Variants in GRM7 observed in about 807,000 individuals in gnomAD.
The protein encoded by GRM7 is metabotropic glutamate receptor 7.
GRM7 carries 35 observed loss-of-function variants against 84.5 expected under a neutral mutation model. The ratio of observed to expected loss-of-function variants is 0.41; its 90% CI spans 0.32 to 0.55. GRM7 has a LOEUF of 0.55. Ranked by LOEUF, GRM7 falls within the 20% of genes least tolerant of loss-of-function variation. The pLI is 0.19. For synonymous variants in GRM7, 487 were observed against 455.1 expected, an observed-to-expected ratio of 1.07 and a Z score of -0.89; for missense variants, 1,003 against 1,194.6, an observed-to-expected ratio of 0.84 and a Z score of 2.36.
chr3:7,430,881 T>C (rs1203734973), intron 5 of GRM7, among the ~76,000 whole-genome samples: 1 of 152,196 alleles, frequency 6.6e-6, no homozygotes, highest in Non-Finnish European at 1.5e-5. Flanking sequence ...AAAGGTCAAA[T>C]AGGCTTGCTT....
At chr3:7,304,231 TTG>T (rs1340656244) in intron 3 of GRM7, among the ~76,000 whole-genome samples, 1 of 151,504 alleles carries the variant, frequency 6.6e-6, no homozygotes, top group South Asian at 2.1e-4. Flanking sequence ...TTGAGATTCT[TTG>T]TGTGTTAAAT....
chr3:7,040,517 A>T (rs1696560166), intron 1 of GRM7, among the ~76,000 whole-genome samples: 1 of 151,764 alleles, frequency 6.6e-6, no homozygotes, highest in South Asian at 2.1e-4. Flanking sequence ...GTTAGCCAGG[A>T]TGGTCTCGAT....
At chr3:7,516,270 C>A (rs4686132) in intron 7 of GRM7, among the ~76,000 whole-genome samples, 2 of 149,526 alleles carry the variant, frequency 1.3e-5, no homozygotes, top group African/African-American at 4.9e-5. Flanking sequence ...AAGGTCAGTA[C>A]ATCAAGACCA....
At chr3:7,697,775 G>A (rs1449367925) in intron 9 of GRM7, among the ~76,000 whole-genome samples, 1 of 152,158 alleles carries the variant, frequency 6.6e-6, no homozygotes, top group Non-Finnish European at 1.5e-5. Flanking sequence ...CATAGCTGAA[G>A]ATGAGTGTCT....
At chr3:7,458,934 T>C (rs1698129607) in intron 6 of GRM7, among the ~76,000 whole-genome samples, 1 of 152,194 alleles carries the variant, frequency 6.6e-6, no homozygotes, top group Non-Finnish European at 1.5e-5. Context: ...ATTTTATTTC[T>C]TCTTCTTATA....
chr3:7,715,322 A>AAT (rs1444551714), intron 9 of GRM7, among the ~76,000 whole-genome samples: 1 of 152,104 alleles, frequency 6.6e-6, no homozygotes, highest in Non-Finnish European at 1.5e-5. Flanking sequence ...ATGAATAAAA[A>AAT]TTTAGTCAGA....
At chr3:7,215,652 G>C (rs889622655) in intron 2 of GRM7, among the ~76,000 whole-genome samples, 1 of 150,984 alleles carries the variant, frequency 6.6e-6, no homozygotes, top group Non-Finnish European at 1.5e-5. Flanking sequence ...GCGACAGAGC[G>C]AGACTCTGTC....
chr3:7,242,177 A>G (rs1040954682), intron 2 of GRM7, among the ~76,000 whole-genome samples: 1 of 152,190 alleles, frequency 6.6e-6, no homozygotes, highest in African/African-American at 2.4e-5. Flanking sequence ...GTCAACTTAA[A>G]TAATGATCCT....
At chr3:7,399,860 G>T (rs1407491337) in intron 4 of GRM7, among the ~76,000 whole-genome samples, 1 of 152,152 alleles carries the variant, frequency 6.6e-6, no homozygotes, top group Non-Finnish European at 1.5e-5. Context: ...AATGCTGTGA[G>T]CCGTGCTTTT....
chr3:7,625,383 G>A (rs62235225), intron 8 of GRM7, among the ~76,000 whole-genome samples: 19,652 of 152,110 alleles, frequency 0.13, 1,497 homozygotes, highest in Non-Finnish European at 0.17. Flanking sequence ...CAAGCAACTC[G>A]TACAGGGGAT....
intron 1 of GRM7, among the ~76,000 whole-genome samples, chr3:6,997,709 A>C (rs978995405): frequency 2.0e-5 from 3 of 152,184 alleles, no homozygotes; most frequent in African/African-American, 7.2e-5. Context: ...CTCACATTTC[A>C]AAACACAAAC....
intron 4 of GRM7, among the ~76,000 whole-genome samples, chr3:7,350,775 G>C (rs1424024969): frequency 6.6e-6 from 1 of 152,026 alleles, no homozygotes; most frequent in Admixed American, 6.6e-5. Context: ...TTGGGTTAGA[G>C]TCTTCTCCGA....
intron 2 of GRM7, among the ~76,000 whole-genome samples, chr3:7,187,660 AC>A (rs34330875): frequency 0.33 from 49,922 of 152,124 alleles, 8,354 homozygotes; most frequent in African/African-American, 0.39. Context: ...TCATATTTAA[AC>A]CCACTTTTAA....
intron 7 of GRM7, among the ~76,000 whole-genome samples, chr3:7,545,687 G>T (rs1198846444): frequency 6.6e-6 from 1 of 152,126 alleles, no homozygotes; most frequent in Non-Finnish European, 1.5e-5. Flanking sequence ...CCAAGGAGAT[G>T]ACTTGGGGCA....
chr3:7,033,525 A>G (rs1231947610), intron 1 of GRM7, among the ~76,000 whole-genome samples: 1 of 152,194 alleles, frequency 6.6e-6, no homozygotes, highest in Non-Finnish European at 1.5e-5. Context: ...CTCAACATAT[A>G]TATTCTCAAG....
intron 9 of GRM7, among the ~76,000 whole-genome samples, 180 bp from the exon 10 acceptor site, chr3:7,740,177 A>G (rs1271122364): frequency 6.6e-6 from 1 of 152,204 alleles, no homozygotes; most frequent in East Asian, 1.9e-4. Flanking sequence ...ATCACTGGGA[A>G]CCACAGATTT....
intron 6 of GRM7, among the ~76,000 whole-genome samples, chr3:7,459,002 G>C (rs1698133003): frequency 6.6e-6 from 1 of 152,090 alleles, no homozygotes; most frequent in South Asian, 2.1e-4. Flanking sequence ...TGTTGTTATT[G>C]ATGTTTTTGT....
intron 8 of GRM7, among the ~76,000 whole-genome samples, chr3:7,626,670 T>C (rs1208922787): frequency 6.6e-6 from 1 of 152,158 alleles, no homozygotes; most frequent in Non-Finnish European, 1.5e-5. Context: ...TGTCCAAAGT[T>C]TTCCTTTGTG....
chr3:7,242,825 G>C (rs756091632), intron 2 of GRM7, among the ~76,000 whole-genome samples: 1 of 152,090 alleles, frequency 6.6e-6, no homozygotes, highest in African/African-American at 2.4e-5. Context: ...CTTTCCATTT[G>C]TTTCTTTCAG....
Sources: allele counts gnomAD v4.1 joint callset (sites outside exome capture counted in the v4.1 genomes callset), GRCh38; gene constraint gnomAD v4.1.1; transcripts MANE v1.5; gene names NCBI Gene and HGNC (gene_info 2026-07-23, HGNC 2026-07-21).